Variants in ANKFY1 observed in about 807,000 individuals in gnomAD.
ANKFY1 encodes ankyrin repeat and FYVE domain-containing protein 1.
Under a neutral mutation model 128.3 loss-of-function variants are expected in ANKFY1, and 47 were observed. The ratio of observed to expected loss-of-function variants is 0.37; its 90% CI spans 0.29 to 0.47. ANKFY1 has a LOEUF of 0.47. Ranked by LOEUF, ANKFY1 falls within the 20% of genes least tolerant of loss-of-function variation. The pLI is 1.00. For missense variants in ANKFY1, 1,222 were observed against 1,510.6 expected (o/e 0.81, Z 3.17); for synonymous variants, 553 against 601.6 (o/e 0.92, Z 1.18).
chr17:4,238,057 T>A (rs1346249358), intron 2 of ANKFY1, among the ~76,000 whole-genome samples: 1 of 149,704 alleles, frequency 6.7e-6, no homozygotes, highest in Non-Finnish European at 1.5e-5. Context: ...CCAGGCACAG[T>A]GGCACACACC....
chr17:4,242,088 C>CAA (rs34447049), intron 2 of ANKFY1, among the ~76,000 whole-genome samples, 168 bp downstream of exon 2: 4 of 132,410 alleles, frequency 3.0e-5, no homozygotes, highest in South Asian at 2.5e-4. Flanking sequence ...GACTCCAACT[C>CAA]AAAAAAAAAA....
chr17:4,176,530 T>G (rs1338359965), intron 19 of ANKFY1, among the ~76,000 whole-genome samples: 1 of 152,198 alleles, frequency 6.6e-6, no homozygotes, highest in East Asian at 1.9e-4. Context: ...TTCCTGCCCC[T>G]CTAACCACAG....
At chr17:4,253,468 C>G (rs1419898637) in intron 1 of ANKFY1, among the ~76,000 whole-genome samples, 1 of 152,164 alleles carries the variant, frequency 6.6e-6, no homozygotes, top group African/African-American at 2.4e-5. Flanking sequence ...TAACAACAAA[C>G]TCCTTCCTCT....
At chr17:4,232,333 T>C (rs1162170706) in intron 3 of ANKFY1, among the ~76,000 whole-genome samples, 1 of 152,174 alleles carries the variant, frequency 6.6e-6, no homozygotes, top group Non-Finnish European at 1.5e-5. Context: ...TCTCAGCAAC[T>C]GCAAGCCCAG....
chr17:4,195,325 A>G lies in ANKFY1; in HGVS notation c.1172+78T>C, dbSNP rs1008816892. 3.3e-6 allele frequency: 5 copies of G among 1,492,976 alleles called. No individual in the cohort carries two copies. The Admixed American group carries it at 9.1e-5, about 27-fold the overall frequency. 92.5% of individuals were successfully genotyped at this position (1,492,976 alleles called of 1,614,324 possible). A position where few individuals can be genotyped will look rare whatever the true frequency, so the allele number is the denominator to read the frequency against. ...CTTCTTAATATATGCAACACTAAAG[A>G]TGTTTAAAAAGAATGATTTTTCACT... On this transcript the variant is annotated intron_variant, in intron 9 of 24. Coordinates refer to ENST00000341657, the MANE Select transcript of ANKFY1 (RefSeq NM_001330063.2).
At position 4,171,864 on chromosome 17, in the gene ANKFY1, G is replaced by A. The variant is rs937902203; in HGVS notation, c.3139+692C>T. 1.3e-5 allele frequency among the ~76,000 whole-genome samples: 2 copies of A among 152,224 alleles called. 1 individual carries two copies. The highest frequency in any genetic ancestry group is 4.1e-4 in the South Asian group (2 of 4,830). On this transcript the variant is annotated intron_variant, in intron 22 of 24. Transcript: ENST00000341657. Reference sequence around the variant, plus strand: ...TTCTGCCAAGACCACAGAGGTGAGTGAATGGGAATGCAGCAGCCACACAGC... The same window carrying A: ...TTCTGCCAAGACCACAGAGGTGAGTAAATGGGAATGCAGCAGCCACACAGC...
intron 1 of ANKFY1, among the ~76,000 whole-genome samples, chr17:4,254,785 T>C (rs933614951): frequency 3.9e-5 from 6 of 152,344 alleles, no homozygotes; most frequent in East Asian, 1.9e-4. Context: ...CTGTAATATT[T>C]TGCAATAAGA....
chr17:4,245,235 C>A (rs184894283), intron 1 of ANKFY1, among the ~76,000 whole-genome samples: 3 of 152,018 alleles, frequency 2.0e-5, no homozygotes, highest in Admixed American at 2.0e-4. Flanking sequence ...CAGCCTGGAG[C>A]GCAGTGGCAC....
chr17:4,205,141 G>A (rs950815587), intron 7 of ANKFY1, among the ~76,000 whole-genome samples: 2 of 152,144 alleles, frequency 1.3e-5, no homozygotes, highest in African/African-American at 4.8e-5. Context: ...AAATATAGAT[G>A]ATTAAGATGG....
chr17:4,246,893 C>T (rs1057514734), intron 1 of ANKFY1, among the ~76,000 whole-genome samples: 2 of 152,094 alleles, frequency 1.3e-5, no homozygotes, highest in African/African-American at 4.8e-5. Flanking sequence ...AGGAGGATCT[C>T]TAAAGCCCAT....
rs574084251 is a variant in ANKFY1 at position 4,202,816 on chromosome 17, G to A, written c.898+3505C>T. ...AAGATAAACTGGGCAATACTGCACA[G>A]GTATATGAAAACCTATGAATGACTG... On this transcript the variant is annotated intron_variant, in intron 7 of 24. Transcript: ENST00000341657. Among the ~76,000 whole-genome samples the A allele has an allele frequency of 4.0e-5, 6 of 150,928 alleles. No homozygotes were observed. The South Asian group carries it at 1.3e-3, about 32-fold the overall frequency.
Position 4,181,401 on chromosome 17 carries a change from C to T in ANKFY1, c.2122-29G>A. On this transcript the variant is annotated intron_variant, in intron 15 of 24. Transcript: ENST00000341657. This position sits in a 1 kb window ranked among gnomAD's most constrained non-coding sequence, Gnocchi z 4.9. ...CAGAAAAACATAGGTTATTCACAAA[C>T]ACTGCTGAGCAAAGGCAAACAGTTT... 1 of 1,539,328 alleles carries T rather than the reference C, an allele frequency of 6.5e-7. No homozygotes were observed. Among genetic ancestry groups the T allele is most frequent in the South Asian group, 1.1e-5 (1 of 89,554 alleles).
At chr17:4,260,161 T>C (rs1968333092) in intron 1 of ANKFY1, among the ~76,000 whole-genome samples, 1 of 152,100 alleles carries the variant, frequency 6.6e-6, no homozygotes, top group Non-Finnish European at 1.5e-5. Context: ...GAGTTGGGCA[T>C]TGAGGGGCAG....
In ANKFY1 at chr17:4,170,964, G is replaced by C. The variant is rs559543023; in HGVS notation, c.3140-103C>G. The stretch of plus-strand genomic sequence containing the variant: ...CCAAGGGCAGAACAGACCGCTGGCA[G>C]GAAATCTGTTCACAAAGTCCCCACA... On this transcript the variant is annotated intron_variant, in intron 22 of 24. Transcript: ENST00000341657. The C allele has an allele frequency of 1.3e-4, 203 of 1,549,366 alleles. 2 individuals are homozygous for C. In the East Asian group the frequency reaches 4.4e-3, roughly 34 times the overall value.
intron 2 of ANKFY1, among the ~76,000 whole-genome samples, chr17:4,241,085 C>G (rs1449990121): frequency 6.6e-6 from 1 of 152,178 alleles, no homozygotes; most frequent in Non-Finnish European, 1.5e-5. Flanking sequence ...CAGCTAACAA[C>G]TGAGCGCTTA....
At chr17:4,197,917 G>T (rs1039973506) in intron 7 of ANKFY1, among the ~76,000 whole-genome samples, 1 of 152,090 alleles carries the variant, frequency 6.6e-6, no homozygotes, top group African/African-American at 2.4e-5. Flanking sequence ...ATCACCTGGG[G>T]TCGGGAGTTG....
chr17:4,215,941 G>T (rs1439907511), intron 4 of ANKFY1, among the ~76,000 whole-genome samples: 1 of 152,148 alleles, frequency 6.6e-6, no homozygotes, highest in Non-Finnish European at 1.5e-5. Context: ...ACAAATGAAA[G>T]AAACAGTTAA....
chr17:4,245,954 G>GA (rs775644181), intron 1 of ANKFY1, among the ~76,000 whole-genome samples: 28 of 152,240 alleles, frequency 1.8e-4, no homozygotes, highest in Admixed American at 5.9e-4. Flanking sequence ...TGAGGCAGAA[G>GA]AATCGCTGGA....
In ANKFY1 at chr17:4,167,401, G is replaced by C. The variant is rs1230796574; in HGVS notation, c.*378C>G. ...CTGAGAGGCTCTGCCTCATCAGTCA[G>C]CCCAGGCGGGAAGACTTCATGAATG... On this transcript the variant is annotated 3_prime_UTR_variant, in exon 25 of 25. Coordinates refer to ENST00000341657, the MANE Select transcript of ANKFY1 (RefSeq NM_001330063.2). This position sits in a 1 kb window ranked among gnomAD's most constrained non-coding sequence, Gnocchi z 4.1. 1 of 162,594 alleles carries C rather than the reference G, an allele frequency of 6.2e-6. No homozygotes were observed. The highest frequency in any genetic ancestry group is 1.3e-5 in the Non-Finnish European group (1 of 75,132). 10.1% of individuals were successfully genotyped at this position (162,594 alleles called of 1,614,324 possible).
Sources: gnomAD v4.1 joint callset for allele counts (sites outside exome capture counted in the v4.1 genomes callset) on GRCh38, gnomAD v4.1.1 for gene constraint, Gnocchi (gnomAD v3.1) non-coding constraint, MANE v1.5 for transcripts, NCBI Gene and HGNC (gene_info 2026-07-23, HGNC 2026-07-21) for gene names.